ZNF438: variants seen among roughly 807,000 people sequenced by gnomAD.
The protein encoded by ZNF438 is zinc finger protein 438.
In ZNF438, 25 loss-of-function variants were observed where a neutral mutation model predicts 38.0. That is an observed-to-expected ratio of 0.66 (90% CI 0.48 to 0.92). The LOEUF (loss-of-function observed/expected upper bound fraction) is 0.92. Ranked by LOEUF, ZNF438 falls within the 40% of genes least tolerant of loss-of-function variation. The pLI is 0.00. For synonymous variants in ZNF438, 372 were observed against 364.1 expected (o/e 1.02, Z -0.25); for missense variants, 1,007 against 999.6 (o/e 1.01, Z -0.10).
intron 1 of ZNF438, among the ~76,000 whole-genome samples, chr10:31,010,093 T>C (rs1042112222): frequency 6.6e-6 from 1 of 152,164 alleles, no homozygotes; most frequent in Non-Finnish European, 1.5e-5. Flanking sequence ...GTGATCCACC[T>C]GCCTTGGCCT....
intron 3 of ZNF438, among the ~76,000 whole-genome samples, chr10:30,885,987 A>G (rs2039902690): frequency 6.6e-6 from 1 of 152,234 alleles, no homozygotes; most frequent in Non-Finnish European, 1.5e-5. Flanking sequence ...CCAGTAAGGA[A>G]GACAAAGTTA....
intron 1 of ZNF438, among the ~76,000 whole-genome samples, chr10:30,969,315 C>T (rs2050489406): frequency 6.6e-6 from 1 of 152,200 alleles, no homozygotes; most frequent in Non-Finnish European, 1.5e-5. Flanking sequence ...CTTCAACCAA[C>T]AGCCTATACC....
At chr10:30,983,708 G>C (rs1450140320) in intron 1 of ZNF438, among the ~76,000 whole-genome samples, 1 of 152,042 alleles carries the variant, frequency 6.6e-6, no homozygotes, top group African/African-American at 2.4e-5. Context: ...ATGTAATCTG[G>C]ATTTTTCAAA....
chr10:31,000,993 G>A (rs2054597687), intron 1 of ZNF438, among the ~76,000 whole-genome samples: 3 of 151,866 alleles, frequency 2.0e-5, no homozygotes, highest in Non-Finnish European at 2.9e-5. Context: ...AGTCCTGTTC[G>A]AGAGTTATCT....
chr10:30,953,542 T>G (rs924150378), intron 1 of ZNF438, among the ~76,000 whole-genome samples: 1 of 151,130 alleles, frequency 6.6e-6, no homozygotes, highest in Non-Finnish European at 1.5e-5. Context: ...ATACTAGCAG[T>G]ATTGAGAAAT....
chr10:30,939,494 C>G (rs914488670), intron 2 of ZNF438, among the ~76,000 whole-genome samples: 1 of 152,204 alleles, frequency 6.6e-6, no homozygotes, highest in Admixed American at 6.5e-5. Flanking sequence ...AGTCCCTGAT[C>G]TTTCAATACC....
intron 1 of ZNF438, among the ~76,000 whole-genome samples, chr10:31,026,695 G>A (rs550974076): frequency 6.6e-6 from 1 of 152,178 alleles, no homozygotes; most frequent in South Asian, 2.1e-4. Context: ...ATTCCTCAAG[G>A]ATCTAGAACT....
intron 2 of ZNF438, among the ~76,000 whole-genome samples, chr10:30,933,895 C>G (rs1283705677): frequency 2.0e-5 from 3 of 152,062 alleles, no homozygotes; most frequent in Non-Finnish European, 4.4e-5. Flanking sequence ...GCCTGTAATC[C>G]CAACACTTTG....
At chr10:30,882,759 T>C (rs910201235) in intron 3 of ZNF438, among the ~76,000 whole-genome samples, 2 of 152,178 alleles carry the variant, frequency 1.3e-5, no homozygotes, top group Admixed American at 6.5e-5. Flanking sequence ...AGGTGAAGAA[T>C]ATATTCATTA....
At chr10:31,015,159 T>C (rs549142717) in intron 1 of ZNF438, among the ~76,000 whole-genome samples, 1 of 152,300 alleles carries the variant, frequency 6.6e-6, no homozygotes, top group Admixed American at 6.5e-5. Flanking sequence ...TGAGCTACCA[T>C]ACCCAGTCTG....
At chr10:30,936,191 C>T (rs180893358) in intron 2 of ZNF438, among the ~76,000 whole-genome samples, 202 of 152,242 alleles carry the variant, frequency 1.3e-3, no homozygotes, top group African/African-American at 4.1e-3. Context: ...CTCTAAAGCC[C>T]GATTTGCTCA....
intron 2 of ZNF438, among the ~76,000 whole-genome samples, chr10:30,927,091 T>C (rs1268209722): frequency 1.3e-5 from 2 of 152,038 alleles, no homozygotes; most frequent in African/African-American, 2.4e-5. Flanking sequence ...TAGAAGAGAG[T>C]ATTATCACTT....
chr10:30,990,443 A>T (rs1481580410), intron 1 of ZNF438, among the ~76,000 whole-genome samples: 1 of 152,194 alleles, frequency 6.6e-6, no homozygotes, highest in African/African-American at 2.4e-5. Flanking sequence ...CCTCAGCCTC[A>T]CTCAGATACT....
At chr10:31,032,167 A>C (rs1352615997), upstream of ZNF438, among the ~76,000 whole-genome samples, 2 of 152,236 alleles carry the variant, frequency 1.3e-5, no homozygotes, top group Non-Finnish European at 1.5e-5. Flanking sequence ...AAGGGGACGG[A>C]GACCTTCAGA....
chr10:30,856,016 C>T (rs905285532), intron 4 of ZNF438, among the ~76,000 whole-genome samples: 1 of 152,146 alleles, frequency 6.6e-6, no homozygotes, highest in South Asian at 2.1e-4. Flanking sequence ...GAAAGGAAAA[C>T]GAAAGTTTCC....
chr10:30,964,758 C>A (rs117287206), intron 1 of ZNF438, among the ~76,000 whole-genome samples: 12,074 of 152,178 alleles, frequency 0.079, 574 homozygotes, highest in Non-Finnish European at 0.11. Flanking sequence ...CAAAAGGACT[C>A]TGAACAGGAC....
intron 1 of ZNF438, among the ~76,000 whole-genome samples, chr10:31,014,662 T>G (rs1326172651): frequency 6.6e-6 from 1 of 152,154 alleles, no homozygotes; most frequent in East Asian, 1.9e-4. Context: ...GTGATGACGG[T>G]GAAGGTACCC....
intron 1 of ZNF438, among the ~76,000 whole-genome samples, chr10:30,986,556 T>C (rs1039018175): frequency 1.3e-5 from 2 of 152,242 alleles, no homozygotes; most frequent in African/African-American, 2.4e-5. Context: ...GTCATGAGTA[T>C]TGATTTTGCA....
intron 1 of ZNF438, among the ~76,000 whole-genome samples, chr10:30,974,388 G>A (rs202049609): frequency 1.3e-4 from 20 of 152,174 alleles, no homozygotes; most frequent in African/African-American, 4.6e-4. Context: ...TGGGAGGATC[G>A]CTTTAGCCTG....
Sources: gnomAD v4.1 joint callset for allele counts (sites outside exome capture counted in the v4.1 genomes callset) on GRCh38, gnomAD v4.1.1 for gene constraint, MANE v1.5 for transcripts, NCBI Gene and HGNC (gene_info 2026-07-23, HGNC 2026-07-21) for gene names.